TCF12: variants seen among roughly 807,000 people sequenced by gnomAD.
TCF12 encodes transcription factor 12.
A neutral mutation model predicts 86.0 loss-of-function variants in TCF12; 45 were observed. The observed-to-expected ratio is 0.52, with a 90% CI of 0.41 to 0.67. The LOEUF is 0.67. TCF12 is among the 30% of genes least tolerant of loss of function. The pLI is 0.00. For missense variants in TCF12, 881 were observed against 859.9 expected (o/e 1.02, Z -0.31); for synonymous variants, 330 against 299.6 (o/e 1.10, Z -1.05).
At chr15:57,157,292 A>G (rs187564598) in intron 5 of TCF12, among the ~76,000 whole-genome samples, 173 of 152,084 alleles carry the variant, frequency 1.1e-3, no homozygotes, top group Middle Eastern at 3.4e-3. Context: ...TTTTTCCTGA[A>G]AAACAGCTCC....
At chr15:57,203,713 T>G (rs940279553) in intron 8 of TCF12, among the ~76,000 whole-genome samples, 8 of 152,182 alleles carry the variant, frequency 5.3e-5, no homozygotes, top group African/African-American at 1.9e-4. Context: ...TTACTGTAAT[T>G]TCTTGCTTAA....
At chr15:57,213,049 A>G (rs764137199) in intron 8 of TCF12, among the ~76,000 whole-genome samples, 7 of 152,208 alleles carry the variant, frequency 4.6e-5, no homozygotes, top group Admixed American at 1.3e-4. Flanking sequence ...CAAGTTTTAT[A>G]TCTGTTTCCC....
At chr15:57,086,705 T>TAA (rs34069853) in intron 4 of TCF12, among the ~76,000 whole-genome samples, 5,289 of 105,510 alleles carry the variant, frequency 0.05, 189 homozygotes, top group African/African-American at 0.13. Context: ...TCCCTCCCTT[T>TAA]AAAAAAAAAA....
intron 5 of TCF12, among the ~76,000 whole-genome samples, chr15:57,109,783 A>G (rs1403085317): frequency 6.6e-6 from 1 of 152,208 alleles, no homozygotes; most frequent in Admixed American, 6.5e-5. Flanking sequence ...GTCATTAGAT[A>G]TTCTTATCTG....
chr15:57,204,369 T>C (rs1186538555), intron 8 of TCF12, among the ~76,000 whole-genome samples: 2 of 151,950 alleles, frequency 1.3e-5, no homozygotes, highest in African/African-American at 2.4e-5. Context: ...GAGTATCTCT[T>C]GATACTCCTG....
At chr15:57,070,996 A>G (rs748146020) in intron 4 of TCF12, among the ~76,000 whole-genome samples, 5 of 152,178 alleles carry the variant, frequency 3.3e-5, no homozygotes, top group African/African-American at 4.8e-5. Context: ...TGATCCCCCA[A>G]TTTTAAGATG....
At chr15:57,003,284 A>T (rs1287055650) in intron 3 of TCF12, among the ~76,000 whole-genome samples, 2 of 152,180 alleles carry the variant, frequency 1.3e-5, no homozygotes, top group Non-Finnish European at 2.9e-5. Context: ...AGGGTTAGGT[A>T]CCTGTGAGCA....
chr15:56,949,389 C>T (rs1243655649), intron 3 of TCF12, among the ~76,000 whole-genome samples: 1 of 152,166 alleles, frequency 6.6e-6, no homozygotes, highest in Non-Finnish European at 1.5e-5. Flanking sequence ...CATTGTTACA[C>T]ACATTCAGTA....
At chr15:57,039,546 G>T (rs1417480955) in intron 3 of TCF12, among the ~76,000 whole-genome samples, 2 of 151,848 alleles carry the variant, frequency 1.3e-5, no homozygotes, top group African/African-American at 4.8e-5. Context: ...TTCTCTGTCA[G>T]ACCCTTCCTT....
At position 57,251,354 on chromosome 15, in the gene TCF12, C is replaced by A; in HGVS notation, c.1119C>A (p.Thr373=). ...PVGSPSPLTG[T]SQWPRPGGQA... ...GCTACTTTTGGGTTTTAACAGGTAC[C>A]AGTCAGTGGCCAAGACCTGGAGGGC... Residue 373 remains threonine (T), a synonymous_variant, in exon 14 of 21, where the codon ACC becomes ACA. Transcript: ENST00000333725. 1 of 1,613,814 alleles carries A rather than the reference C, an allele frequency of 6.2e-7. No individual in the cohort carries two copies. Among genetic ancestry groups the A allele is most frequent in the South Asian group, 1.1e-5 (1 of 91,070 alleles).
intron 3 of TCF12, among the ~76,000 whole-genome samples, chr15:57,012,090 G>A (rs865969935): frequency 2.6e-5 from 4 of 152,218 alleles, no homozygotes; most frequent in African/African-American, 9.6e-5. Context: ...ATCTTAATAG[G>A]AGAGTATCTT....
chr15:56,983,067 G>C (rs148776323), intron 3 of TCF12, among the ~76,000 whole-genome samples: 49 of 152,306 alleles, frequency 3.2e-4, no homozygotes, highest in African/African-American at 1.2e-3. Flanking sequence ...CTTACACAAG[G>C]TTGTTGTTAG....
intron 5 of TCF12, among the ~76,000 whole-genome samples, chr15:57,164,515 A>G (rs2054726343): frequency 1.3e-5 from 2 of 152,258 alleles, no homozygotes; most frequent in East Asian, 1.9e-4. Context: ...ACTCACTATC[A>G]TAAGAACAGC....
At chr15:57,144,899 G>T (rs1378018398) in intron 5 of TCF12, among the ~76,000 whole-genome samples, 4 of 152,150 alleles carry the variant, frequency 2.6e-5, no homozygotes, top group African/African-American at 9.7e-5. Flanking sequence ...GCCATACCTG[G>T]CAGACCTAAC....
At chr15:57,065,626 GC>G (rs1187596942) in intron 4 of TCF12, among the ~76,000 whole-genome samples, 2 of 127,358 alleles carry the variant, frequency 1.6e-5, no homozygotes, top group Non-Finnish European at 1.6e-5. Context: ...TCACCGCCCC[GC>G]CCCCCCACCA....
At chr15:57,032,351 C>G (rs1488597870) in intron 3 of TCF12, among the ~76,000 whole-genome samples, 1 of 152,140 alleles carries the variant, frequency 6.6e-6, no homozygotes, top group African/African-American at 2.4e-5. Flanking sequence ...TGCAGACTGA[C>G]CTTAAACAGG....
intron 6 of TCF12, among the ~76,000 whole-genome samples, chr15:57,171,319 C>T (rs1217343701): frequency 1.3e-5 from 2 of 151,038 alleles, no homozygotes; most frequent in African/African-American, 4.9e-5. Flanking sequence ...TATTCTGCAG[C>T]AAGGATAAAC....
At chr15:56,961,841 G>GTTTA (rs2061767950) in intron 3 of TCF12, among the ~76,000 whole-genome samples, 2 of 152,094 alleles carry the variant, frequency 1.3e-5, no homozygotes, top group Admixed American at 6.5e-5. Context: ...ACTAGGTGGT[G>GTTTA]ATATAAAATA....
At chr15:56,929,548 A>C (rs1261198462) in intron 3 of TCF12, among the ~76,000 whole-genome samples, 2 of 152,082 alleles carry the variant, frequency 1.3e-5, no homozygotes, top group African/African-American at 4.8e-5. Context: ...ATGTGCTCTC[A>C]TAAAGACCAT....
Sources: gnomAD v4.1 joint callset for allele counts (sites outside exome capture counted in the v4.1 genomes callset) on GRCh38, gnomAD v4.1.1 for gene constraint, MANE v1.5 for transcripts, NCBI Gene and HGNC (gene_info 2026-07-23, HGNC 2026-07-21) for gene names.